Variants in SPIRE1 observed in about 807,000 individuals in gnomAD.
The protein encoded by SPIRE1 is protein spire homolog 1.
A neutral mutation model predicts 94.1 loss-of-function variants in SPIRE1; 40 were observed. The ratio of observed to expected loss-of-function variants is 0.43; its 90% CI spans 0.33 to 0.55. The LOEUF (loss-of-function observed/expected upper bound fraction) is 0.55, where lower values mean the gene tolerates loss of function less well. Among genes scored for constraint, SPIRE1 ranks in the 20% least tolerant of loss-of-function variants. SPIRE1 has a pLI of 0.06. For missense variants in SPIRE1, 838 were observed against 975.2 expected (o/e 0.86, Z 1.87); for synonymous variants, 376 against 371.7 (o/e 1.01, Z -0.13).
chr18:12,580,440 C>G (rs1201148049), intron 2 of SPIRE1, among the ~76,000 whole-genome samples: 1 of 152,072 alleles, frequency 6.6e-6, no homozygotes, highest in African/African-American at 2.4e-5. Context: ...TCTCCTGCCT[C>G]AGCCTCCCAA....
At chr18:12,551,475 G>A (rs1397599259) in intron 2 of SPIRE1, among the ~76,000 whole-genome samples, 1 of 152,196 alleles carries the variant, frequency 6.6e-6, no homozygotes, top group South Asian at 2.1e-4. Flanking sequence ...GCCGAGGCGG[G>A]CAGATCACGA....
At chr18:12,459,287 G>T (rs1402641316) in intron 12 of SPIRE1, among the ~76,000 whole-genome samples, 1 of 152,238 alleles carries the variant, frequency 6.6e-6, no homozygotes, top group African/African-American at 2.4e-5. Context: ...GAGCACACAG[G>T]TTTCCTGAGC....
chr18:12,567,503 C>T (rs967982161), intron 2 of SPIRE1, among the ~76,000 whole-genome samples: 3 of 152,222 alleles, frequency 2.0e-5, no homozygotes, highest in Non-Finnish European at 4.4e-5. Flanking sequence ...GAATAGCCCA[C>T]ATAATATTAC....
chr18:12,565,604 C>G (rs1384268228), intron 2 of SPIRE1, among the ~76,000 whole-genome samples: 1 of 151,950 alleles, frequency 6.6e-6, no homozygotes, highest in East Asian at 2.0e-4. Flanking sequence ...GAATTCCTGA[C>G]CTCAAATGAT....
chr18:12,449,321 C>G lies in SPIRE1; in HGVS notation c.*317G>C. ...AGAAGCTTTTTTTTTTTGCCTTAGT[C>G]AGGAGATTATTCGAGGAACAGTAAA... On this transcript the variant is annotated 3_prime_UTR_variant, in exon 17 of 17. Transcript: ENST00000409402. The G allele has an allele frequency of 7.3e-6, 2 of 275,336 alleles. No homozygotes were observed. The highest frequency in any genetic ancestry group is 2.2e-5 in the African/African-American group (1 of 44,644). 17.1% of individuals were successfully genotyped at this position (275,336 alleles called of 1,614,324 possible). A position where few individuals can be genotyped will look rare whatever the true frequency, so the allele number is the denominator to read the frequency against.
chr18:12,613,933 T>A (rs2037213686), intron 2 of SPIRE1, among the ~76,000 whole-genome samples: 2 of 151,640 alleles, frequency 1.3e-5, no homozygotes, highest in Non-Finnish European at 2.9e-5. Context: ...ACATTTGATG[T>A]GATAGTGGTT....
In SPIRE1 at chr18:12,624,582, G is replaced by T. The variant is rs1004734461; in HGVS notation, c.372+10480C>A. On this transcript the variant is annotated intron_variant, in intron 2 of 16. Transcript: ENST00000409402. ...AAAAATCTACATACTCTATTGTAAAGTACTGGGAGGTGTTTAAGCTACCCA... is the reference window on the plus strand; with the variant it reads ...AAAAATCTACATACTCTATTGTAAATTACTGGGAGGTGTTTAAGCTACCCA... Among the ~76,000 whole-genome samples the T allele has an allele frequency of 4.9e-5, 7 of 143,808 alleles. No individual in the cohort carries two copies. In the Admixed American group the frequency reaches 5.0e-4, roughly 10 times the overall value. 94.3% of individuals were successfully genotyped at this position (143,808 alleles called of 152,430 possible).
At chr18:12,627,333 T>C (rs749408584) in intron 2 of SPIRE1, among the ~76,000 whole-genome samples, 7 of 151,884 alleles carry the variant, frequency 4.6e-5, no homozygotes, top group Non-Finnish European at 8.8e-5. Context: ...GTCCTTGCAA[T>C]AGTTTGCTCA....
chr18:12,509,810 C>T (rs980472077), intron 5 of SPIRE1, among the ~76,000 whole-genome samples: 6 of 152,002 alleles, frequency 3.9e-5, no homozygotes, highest in Non-Finnish European at 8.8e-5. Context: ...CAGCTGGGTG[C>T]GGAGGCTCAT....
intron 3 of SPIRE1, among the ~76,000 whole-genome samples, chr18:12,543,776 C>A (rs1598453281): frequency 6.6e-6 from 1 of 152,182 alleles, no homozygotes. Flanking sequence ...ATTAATTAAA[C>A]TTAGTTTCAC....
At chr18:12,646,847 C>G (rs568095653) in intron 1 of SPIRE1, among the ~76,000 whole-genome samples, 28 of 152,060 alleles carry the variant, frequency 1.8e-4, no homozygotes, top group African/African-American at 6.5e-4. Flanking sequence ...GAGTTTGAGA[C>G]CAGCCTGATC....
chr18:12,611,286 G>A (rs868841824), intron 2 of SPIRE1, among the ~76,000 whole-genome samples: 9 of 152,276 alleles, frequency 5.9e-5, no homozygotes, highest in Middle Eastern at 3.4e-3. Context: ...CTGTGTCCAT[G>A]TGATCAACAG....
chr18:12,563,543 C>T (rs1427786063), intron 2 of SPIRE1, among the ~76,000 whole-genome samples: 2 of 152,066 alleles, frequency 1.3e-5, no homozygotes, highest in Non-Finnish European at 2.9e-5. Context: ...TCCAATTATT[C>T]ATAAAAACAA....
chr18:12,464,774 G>C (rs1023635696), intron 11 of SPIRE1, 94 bp downstream of exon 11: 16 of 961,864 alleles, frequency 1.7e-5, no homozygotes, highest in Admixed American at 4.1e-5. Flanking sequence ...TTCTACCCTA[G>C]ATGATCACAG....
chr18:12,564,710 G>A (rs1468816198), intron 2 of SPIRE1, among the ~76,000 whole-genome samples: 1 of 152,078 alleles, frequency 6.6e-6, no homozygotes, highest in Non-Finnish European at 1.5e-5. Context: ...GCCAGGGTGG[G>A]AAAAATTGAA....
At chr18:12,633,313 A>T (rs1426654598) in intron 2 of SPIRE1, among the ~76,000 whole-genome samples, 1 of 152,228 alleles carries the variant, frequency 6.6e-6, no homozygotes, top group Non-Finnish European at 1.5e-5. Context: ...TAGAAAATGC[A>T]AAAATGGGCC....
intron 2 of SPIRE1, among the ~76,000 whole-genome samples, chr18:12,576,759 T>G (rs934515699): frequency 1.3e-5 from 2 of 150,936 alleles, no homozygotes; most frequent in Non-Finnish European, 3.0e-5. Context: ...CATGGTGGCA[T>G]GTGCCTGTAG....
At chr18:12,471,530 G>C (rs2143682415) in intron 10 of SPIRE1, among the ~76,000 whole-genome samples, 1 of 152,116 alleles carries the variant, frequency 6.6e-6, no homozygotes, top group East Asian at 1.9e-4. Flanking sequence ...CACTATGTTG[G>C]CCAGGCTGGT....
chr18:12,493,269 A>G (rs2033308972), intron 7 of SPIRE1, 68 bp from the exon 8 acceptor site: 16 of 1,381,838 alleles, frequency 1.2e-5, no homozygotes. Context: ...CTAGTCATAC[A>G]GTACAGTATT....
Sources: gnomAD v4.1 joint callset for allele counts (sites outside exome capture counted in the v4.1 genomes callset) on GRCh38, gnomAD v4.1.1 for gene constraint, MANE v1.5 for transcripts, NCBI Gene and HGNC (gene_info 2026-07-23, HGNC 2026-07-21) for gene names.